Variants in RIMS1 observed in about 807,000 individuals in gnomAD.
RIMS1 encodes the protein regulating synaptic membrane exocytosis 1.
Under a neutral mutation model 214.1 loss-of-function variants are expected in RIMS1, and 83 were observed. The ratio of observed to expected loss-of-function variants is 0.39; its 90% CI spans 0.32 to 0.47. The LOEUF is 0.47. RIMS1 is among the 20% of genes least tolerant of loss of function. The pLI is 0.99. For synonymous variants in RIMS1, 793 were observed against 786.8 expected (o/e 1.01, Z -0.13); for missense variants, 2,050 against 2,161.8 (o/e 0.95, Z 1.03).
chr6:72,256,426 T>C (rs2075902352), intron 16 of RIMS1, among the ~76,000 whole-genome samples: 1 of 152,154 alleles, frequency 6.6e-6, no homozygotes, highest in Admixed American at 6.6e-5. Context: ...AAAAGAGGCA[T>C]TAATTTCTAT....
intron 2 of RIMS1, among the ~76,000 whole-genome samples, chr6:72,085,424 A>C (rs1427485798): frequency 3.9e-5 from 6 of 152,172 alleles, no homozygotes; most frequent in Non-Finnish European, 8.8e-5. Context: ...CAAAATTGTA[A>C]GTTTTAAACA....
intron 2 of RIMS1, among the ~76,000 whole-genome samples, chr6:71,979,394 G>A (rs1192234801): frequency 6.6e-6 from 1 of 152,014 alleles, no homozygotes; most frequent in Non-Finnish European, 1.5e-5. Flanking sequence ...GCTTGCCCCA[G>A]GGTCACCCAG....
rs1326837835 is a variant in RIMS1, at chr6:72,099,853, T to G, written c.460-122T>G. 6 of 738,172 alleles carry G rather than the reference T, an allele frequency of 8.1e-6. No homozygotes were observed. In the East Asian group the frequency reaches 1.5e-4, roughly 19 times the overall value. The allele number at this position is 738,172 out of a possible 1,614,324, so 45.7% of individuals were successfully genotyped here. On this transcript the variant is annotated intron_variant, in intron 3 of 33. Coordinates refer to ENST00000521978, the MANE Select transcript of RIMS1 (RefSeq NM_014989.7). ...TTTACTTTTCAAAATAGTTGTGCTTTAATACTTTGAAGAAACACATAATTG... is the reference window on the plus strand; with the variant it reads ...TTTACTTTTCAAAATAGTTGTGCTTGAATACTTTGAAGAAACACATAATTG...
intron 28 of RIMS1, chr6:72,316,884 GC>G: frequency 1.0e-6 from 1 of 1,003,442 alleles, no homozygotes; most frequent in Non-Finnish European, 1.6e-6. Context: ...CCAGGGGGAG[GC>G]CCTGTGTCCC....
At chr6:72,146,811 T>C (rs2042824115) in intron 4 of RIMS1, among the ~76,000 whole-genome samples, 2 of 152,236 alleles carry the variant, frequency 1.3e-5, no homozygotes, top group Admixed American at 1.3e-4. Flanking sequence ...ATACCTATCA[T>C]GTAAATCTAT....
chr6:72,327,741 A>G (rs904430155), intron 28 of RIMS1, among the ~76,000 whole-genome samples: 2 of 151,830 alleles, frequency 1.3e-5, no homozygotes, highest in Admixed American at 6.6e-5. Context: ...TGTGGTTTTC[A>G]TAAACCTGCT....
At chr6:72,003,622 G>C (rs954976587) in intron 2 of RIMS1, among the ~76,000 whole-genome samples, 12 of 152,084 alleles carry the variant, frequency 7.9e-5, no homozygotes, top group African/African-American at 2.4e-4. Flanking sequence ...GTGTGTGTGT[G>C]TGTGTGTCTG....
intron 6 of RIMS1, among the ~76,000 whole-genome samples, chr6:72,226,458 A>G (rs2060217936): frequency 6.6e-6 from 1 of 152,036 alleles, no homozygotes; most frequent in South Asian, 2.1e-4. Context: ...TCAAAGCCCC[A>G]TTATCTACGG....
rs34948011 is a variant in RIMS1 at position 72,122,207 on chromosome 6, CT to C, written c.471+22236del. 3.0e-4 allele frequency among the ~76,000 whole-genome samples: 41 copies of C among 136,300 alleles called. 1 individual carries two copies. The highest frequency in any genetic ancestry group is 9.2e-4 in the South Asian group (4 of 4,350). The allele number at this position is 136,300 out of a possible 152,430, so 89.4% of individuals were successfully genotyped here. On this transcript the variant is annotated intron_variant, in intron 4 of 33. Coordinates refer to ENST00000521978, the MANE Select transcript of RIMS1 (RefSeq NM_014989.7). Reference sequence around the variant, plus strand: ...GGAGGATTCCCTCTTTTCCTTTTTTCTTTTTTTTTTTTTTTGAGATGGAGTC... The same window carrying C: ...GGAGGATTCCCTCTTTTCCTTTTTTCTTTTTTTTTTTTTTGAGATGGAGTC...
chr6:72,158,622 A>G (rs2044792875), intron 4 of RIMS1, among the ~76,000 whole-genome samples: 1 of 114,996 alleles, frequency 8.7e-6, no homozygotes, highest in Non-Finnish European at 1.8e-5. Context: ...ATGTGTTCTC[A>G]TTGCTCAATT....
Position 71,886,858 on chromosome 6 carries a change from C to G in RIMS1, c.-166C>G, listed in dbSNP as rs934660182. ...AACCATGAAAGACTGGGTTCTCGCT[C>G]TCCCCGGCTCTGCTGCTGCTGCTGC... On this transcript the variant is annotated 5_prime_UTR_variant, in exon 1 of 34. Coordinates refer to ENST00000521978, the MANE Select transcript of RIMS1 (RefSeq NM_014989.7). 7.2e-6 allele frequency: 5 copies of G among 691,818 alleles called. No homozygotes were observed. Among genetic ancestry groups the G allele is most frequent in the Non-Finnish European group, 1.2e-5 (5 of 409,960 alleles). The allele number at this position is 691,818 out of a possible 1,614,324, so 42.9% of individuals were successfully genotyped here.
At chr6:72,140,197 C>A (rs888872918) in intron 4 of RIMS1, among the ~76,000 whole-genome samples, 1 of 151,994 alleles carries the variant, frequency 6.6e-6, no homozygotes, top group Non-Finnish European at 1.5e-5. Flanking sequence ...TAAAAAAAAT[C>A]ACTTGAACTG....
At chr6:71,955,386 C>T (rs1005245571) in intron 1 of RIMS1, among the ~76,000 whole-genome samples, 15 of 152,028 alleles carry the variant, frequency 9.9e-5, no homozygotes, top group African/African-American at 2.4e-4. Context: ...AGGGTGGTCT[C>T]GAACTCCTGA....
intron 2 of RIMS1, among the ~76,000 whole-genome samples, chr6:72,092,630 C>A (rs570585595): frequency 6.6e-6 from 1 of 152,234 alleles, no homozygotes; most frequent in South Asian, 2.1e-4. Flanking sequence ...TACAGGTCAC[C>A]AAGGGCCAGC....
Position 71,920,485 on chromosome 6 carries a change from C to CA in RIMS1, c.164+33306dup, listed in dbSNP as rs35569242. 8.9e-3 allele frequency among the ~76,000 whole-genome samples: 1,352 copies of CA among 151,582 alleles called. 14 individuals are homozygous for CA. The highest frequency in any genetic ancestry group is 0.049 in the East Asian group (251 of 5,172). On this transcript the variant is annotated intron_variant, in intron 1 of 33. Transcript: ENST00000521978. ...AAAAAGTTTAATTTTTAAAAATGAC[C>CA]AAAAAAAATCCAGTGACAAATGTAA...
rs374522691 is a variant in RIMS1, at chr6:72,106,805, T to C, written c.471+6819T>C. On this transcript the variant is annotated intron_variant, in intron 4 of 33. Coordinates refer to ENST00000521978, the MANE Select transcript of RIMS1 (RefSeq NM_014989.7). ...TATGTATTTTAGTTCTCTTTAAAAT[T>C]TACTATTGCTAGAGATGCTTAAATT... Among the ~76,000 whole-genome samples, 158 of 152,308 alleles carry C rather than the reference T, an allele frequency of 1.0e-3. 1 individual carries two copies. The highest frequency in any genetic ancestry group is 3.6e-3 in the African/African-American group (151 of 41,562).
At chr6:72,213,476 C>G (rs1245461847) in intron 6 of RIMS1, among the ~76,000 whole-genome samples, 1 of 151,914 alleles carries the variant, frequency 6.6e-6, no homozygotes, top group Non-Finnish European at 1.5e-5. Context: ...ATGATTGATT[C>G]CTGTGTAATA....
intron 1 of RIMS1, among the ~76,000 whole-genome samples, chr6:71,962,843 G>A (rs1793346836): frequency 6.6e-6 from 1 of 151,568 alleles, no homozygotes; most frequent in South Asian, 2.1e-4. Context: ...TTATTTTTTT[G>A]TATTATAGAA....
chr6:72,060,702 A>G (rs906004777), intron 2 of RIMS1, among the ~76,000 whole-genome samples: 1 of 152,152 alleles, frequency 6.6e-6, no homozygotes, highest in Non-Finnish European at 1.5e-5. Context: ...TCTCAGTTAT[A>G]TCTTCCCTGA....
Sources: allele counts gnomAD v4.1 joint callset (sites outside exome capture counted in the v4.1 genomes callset), GRCh38; gene constraint gnomAD v4.1.1; transcripts MANE v1.5; gene names NCBI Gene and HGNC (gene_info 2026-07-23, HGNC 2026-07-21).